The following SUMF1 variants were observed in gnomAD, a reference collection of about 807,000 sequenced individuals.
SUMF1 encodes formylglycine-generating enzyme.
SUMF1 carries 48 observed loss-of-function variants against 47.6 expected under a neutral mutation model. The ratio of observed to expected loss-of-function variants is 1.01; its 90% CI spans 0.80 to 1.28. The LOEUF is 1.28. Among genes scored for constraint, SUMF1 ranks in the 50% most tolerant of loss-of-function variants. The pLI, the probability that SUMF1 is intolerant of heterozygous loss-of-function variation, is 0.00. For missense variants in SUMF1, 571 were observed against 485.4 expected, an observed-to-expected ratio of 1.18 and a Z score of -1.66; for synonymous variants, 230 against 192.1, an observed-to-expected ratio of 1.20 and a Z score of -1.63.
rs1191621407 is a variant in SUMF1, at chr3:4,373,932, A to G, written c.1014+2398T>C. ...CATATGAACAGATAGAAAAAGCAAAATCATATTATCATCTCAATAGATGCA... is the reference window on the plus strand; with the variant it reads ...CATATGAACAGATAGAAAAAGCAAAGTCATATTATCATCTCAATAGATGCA... On this transcript the variant is annotated intron_variant, in intron 8 of 8. Transcript: ENST00000272902. Among the ~76,000 whole-genome samples, 4 of 152,200 alleles carry G rather than the reference A, an allele frequency of 2.6e-5. No homozygotes were observed. The South Asian group carries it at 8.3e-4, about 31-fold the overall frequency.
intron 8 of SUMF1, among the ~76,000 whole-genome samples, chr3:4,085,263 G>C (rs1440323717): frequency 2.0e-5 from 3 of 152,024 alleles, no homozygotes; most frequent in Non-Finnish European, 4.4e-5. Context: ...AAACTGCTTT[G>C]GGTGCTCTGT....
At position 4,209,863 on chromosome 3, in the gene SUMF1, C is replaced by T. The variant is rs376411028; in HGVS notation, c.1015-141118G>A. Among the ~76,000 whole-genome samples, 10 of 152,014 alleles carry T rather than the reference C, an allele frequency of 6.6e-5. No homozygotes were observed. The East Asian group carries it at 1.9e-3, about 29-fold the overall frequency. ...GATTGCTGAGAGAAATTAAAGAAGG[C>T]CAAAATAAATATTCATGGATTTTAA... On this transcript the variant is annotated intron_variant and NMD_transcript_variant, in intron 8 of 12. Coordinates refer to the SUMF1 transcript ENST00000448413.
intron 3 of SUMF1, among the ~76,000 whole-genome samples, chr3:4,435,340 A>T (rs1702363125): frequency 1.3e-5 from 2 of 152,320 alleles, no homozygotes; most frequent in Admixed American, 6.5e-5. Flanking sequence ...ATATCAACAG[A>T]AGGTACACAA....
rs560922476 is a variant in SUMF1 at position 4,403,462 on chromosome 3, G to A, written c.954+7403C>T. On this transcript the variant is annotated intron_variant, in intron 7 of 8. Coordinates refer to ENST00000272902, the MANE Select transcript of SUMF1 (RefSeq NM_182760.4). Reference sequence around the variant, plus strand: ...CCCAATTCATGTTATTCAGAGGAATGTAACTGGGTTGCCCTGAATTGCAAA... The same window carrying A: ...CCCAATTCATGTTATTCAGAGGAATATAACTGGGTTGCCCTGAATTGCAAA... Among the ~76,000 whole-genome samples the A allele has an allele frequency of 6.0e-4, 91 of 152,286 alleles. 1 individual carries two copies. The South Asian group carries it at 7.7e-3, about 13-fold the overall frequency.
At chr3:4,139,277 G>A (rs188407612) in intron 8 of SUMF1, among the ~76,000 whole-genome samples, 47 of 151,788 alleles carry the variant, frequency 3.1e-4, no homozygotes, top group Non-Finnish European at 5.3e-4. Flanking sequence ...TTTCAGTTTC[G>A]TATCAGTCAT....
chr3:4,153,006 G>T (rs1038195796), intron 8 of SUMF1, among the ~76,000 whole-genome samples: 2 of 151,478 alleles, frequency 1.3e-5, no homozygotes, highest in Admixed American at 6.5e-5. Context: ...TAAGCAAAAA[G>T]CCTGGTCCTA....
intron 8 of SUMF1, among the ~76,000 whole-genome samples, chr3:4,070,845 A>T (rs1695504549): frequency 6.6e-6 from 1 of 151,858 alleles, no homozygotes; most frequent in Non-Finnish European, 1.5e-5. Context: ...GTTGGTCAGG[A>T]TGGTCTCAAT....
chr3:4,445,956 T>A (rs1444430887), intron 3 of SUMF1, among the ~76,000 whole-genome samples: 2 of 152,168 alleles, frequency 1.3e-5, no homozygotes, highest in Non-Finnish European at 2.9e-5. Context: ...AAATATTTAA[T>A]CAAAAAATAC....
At chr3:4,087,524 G>C (rs1692697427) in intron 8 of SUMF1, among the ~76,000 whole-genome samples, 1 of 152,072 alleles carries the variant, frequency 6.6e-6, no homozygotes, top group Non-Finnish European at 1.5e-5. Context: ...TTTTTGGTCT[G>C]AGGATTCTTA....
At chr3:4,258,060 T>C (rs1255772551) in intron 8 of SUMF1, among the ~76,000 whole-genome samples, 1 of 151,618 alleles carries the variant, frequency 6.6e-6, no homozygotes, top group Non-Finnish European at 1.5e-5. Flanking sequence ...GCTAGCCATA[T>C]GCAGAAAGCT....
intron 8 of SUMF1, chr3:4,317,079 C>G: frequency 6.5e-7 from 1 of 1,549,138 alleles, no homozygotes; most frequent in Non-Finnish European, 8.7e-7. Flanking sequence ...CTTTAAGCAT[C>G]TCAACAACTT....
intron 8 of SUMF1, among the ~76,000 whole-genome samples, chr3:4,129,067 GGGA>G (rs1045290417): frequency 5.3e-5 from 8 of 152,252 alleles, no homozygotes; most frequent in African/African-American, 1.7e-4. Flanking sequence ...CATCCCAGCT[GGGA>G]GGATACAGAA....
At chr3:4,382,332 A>C (rs1181651465) in intron 7 of SUMF1, among the ~76,000 whole-genome samples, 1 of 116,402 alleles carries the variant, frequency 8.6e-6, no homozygotes, top group African/African-American at 4.0e-5. Flanking sequence ...ACACACACAT[A>C]CATGCACACA....
intron 3 of SUMF1, among the ~76,000 whole-genome samples, chr3:4,437,266 T>TTCC (rs766577037): frequency 6.6e-6 from 1 of 152,182 alleles, no homozygotes; most frequent in Non-Finnish European, 1.5e-5. Context: ...GTAAGTTGGA[T>TTCC]AACGATGACT....
At chr3:4,125,457 A>G (rs1693635151) in intron 8 of SUMF1, among the ~76,000 whole-genome samples, 1 of 152,182 alleles carries the variant, frequency 6.6e-6, no homozygotes. Context: ...ACATCAATCT[A>G]TACATTAACA....
At position 4,252,625 on chromosome 3, in the gene SUMF1, G is replaced by T. The variant is rs909584372; in HGVS notation, c.1014+123705C>A. Among the ~76,000 whole-genome samples the T allele has an allele frequency of 2.6e-5, 4 of 152,078 alleles. No homozygotes were observed. The South Asian group carries it at 8.3e-4, about 32-fold the overall frequency. On this transcript the variant is annotated intron_variant and NMD_transcript_variant, in intron 8 of 12. Transcript: ENST00000448413. ...TCTCAGAGAGAGAACAAAAAACTAG[G>T]AAAGTTGAAAGTTACAAGCTCAAGC... is the stretch of plus-strand genomic sequence containing the variant.
intron 1 of SUMF1, among the ~76,000 whole-genome samples, chr3:4,462,723 G>T (rs931392935): frequency 1.3e-5 from 2 of 152,138 alleles, no homozygotes; most frequent in African/African-American, 4.8e-5. Flanking sequence ...TAAGCTAAAG[G>T]TTCATGAGAA....
chr3:4,259,085 G>C (rs1324669267), intron 8 of SUMF1, among the ~76,000 whole-genome samples: 11 of 147,464 alleles, frequency 7.5e-5, no homozygotes, highest in African/African-American at 2.8e-4. Flanking sequence ...GACCCAGGAA[G>C]GGGGATATCA....
intron 7 of SUMF1, among the ~76,000 whole-genome samples, chr3:4,395,551 G>C (rs1183590595): frequency 1.3e-5 from 2 of 152,160 alleles, no homozygotes; most frequent in Non-Finnish European, 1.5e-5. Context: ...AAATTGGAAA[G>C]AAGAGCGCAG....
Sources: allele counts gnomAD v4.1 joint callset (sites outside exome capture counted in the v4.1 genomes callset), GRCh38; gene constraint gnomAD v4.1.1; transcripts MANE v1.5; gene names NCBI Gene and HGNC (gene_info 2026-07-23, HGNC 2026-07-21).